HMCN1: variants seen among roughly 807,000 people sequenced by gnomAD.
HMCN1 encodes the protein hemicentin-1.
HMCN1 carries 321 observed loss-of-function variants against 625.9 expected under a neutral mutation model. That is an observed-to-expected ratio of 0.51 (90% CI 0.47 to 0.56). HMCN1 has a LOEUF of 0.56. HMCN1 is among the 20% of genes least tolerant of loss of function. The probability of loss-of-function intolerance (pLI) is 0.00; values close to 1 mark genes in which losing one functional copy is unlikely to be tolerated. For synonymous variants in HMCN1, 2,425 were observed against 2,417.6 expected, an observed-to-expected ratio of 1.00 and a Z score of -0.09; for missense variants, 6,588 against 6,887.3, an observed-to-expected ratio of 0.96 and a Z score of 1.54.
chr1:186,165,206 T>G (rs1651803509), intron 98 of HMCN1, 33 bp downstream of exon 98: 1 of 1,572,562 alleles, frequency 6.4e-7, no homozygotes, highest in Admixed American at 1.7e-5. Flanking sequence ...GGTTTTCTTT[T>G]AATGAAAATG....
Position 186,114,975 on chromosome 1 carries a change from G to T in HMCN1, c.11404+29G>T, listed in dbSNP as rs374288061. On this transcript the variant is annotated intron_variant, in intron 74 of 106. Transcript: ENST00000271588. ...AATATCCGTTTATAGACAACATCCGGTCTCTGTGTCAAATGCTCTTTGATT... is the reference window on the plus strand; with the variant it reads ...AATATCCGTTTATAGACAACATCCGTTCTCTGTGTCAAATGCTCTTTGATT... 8.7e-6 allele frequency: 14 copies of T among 1,614,056 alleles called. No homozygotes were observed. In the South Asian group the frequency reaches 1.5e-4, roughly 18 times the overall value.
intron 1 of HMCN1, among the ~76,000 whole-genome samples, chr1:185,786,616 G>A (rs962448438): frequency 6.6e-6 from 1 of 152,230 alleles, no homozygotes; most frequent in Admixed American, 6.5e-5. Flanking sequence ...TTTACTAGCT[G>A]CAAATGCCCT....
chr1:185,812,095 T>C (rs998690819), intron 1 of HMCN1, among the ~76,000 whole-genome samples: 3 of 152,202 alleles, frequency 2.0e-5, no homozygotes, highest in Admixed American at 2.0e-4. Flanking sequence ...CATATAGTTT[T>C]TGAAGATGGC....
chr1:186,104,266 A>G (rs1370884109), intron 69 of HMCN1, among the ~76,000 whole-genome samples: 1 of 152,154 alleles, frequency 6.6e-6, no homozygotes, highest in South Asian at 2.1e-4. Flanking sequence ...GCCATCATTT[A>G]TAAACTGGGG....
chr1:186,138,054 C>T lies in HMCN1; in HGVS notation c.13924+82C>T, dbSNP rs1381941537. 3.4e-6 allele frequency: 5 copies of T among 1,455,982 alleles called. No homozygotes were observed. In the Admixed American group the frequency reaches 5.6e-5, roughly 16 times the overall value. 90.2% of individuals were successfully genotyped at this position (1,455,982 alleles called of 1,614,324 possible). A position where few individuals can be genotyped will look rare whatever the true frequency, so the allele number is the denominator to read the frequency against. On this transcript the variant is annotated intron_variant, in intron 89 of 106. Coordinates refer to ENST00000271588, the MANE Select transcript of HMCN1 (RefSeq NM_031935.3). ...GAAAGAATTACATTTGCCTTTTCTT[C>T]TTCATTGTAAAAAGATGTTATGGCC...
At chr1:186,033,464 G>A (rs1404617615) in intron 36 of HMCN1, among the ~76,000 whole-genome samples, 11 of 152,086 alleles carry the variant, frequency 7.2e-5, no homozygotes, top group Admixed American at 7.2e-4. Context: ...AAATTGTATA[G>A]TAGTTGTATA....
In HMCN1 at chr1:186,055,547, A is replaced by G. The variant is rs758248236; in HGVS notation, c.7017A>G (p.Val2339=). ...DGHPLIKAKG[V]EILDEGHILQ... ...ACCCCTTGATCAAGGCAAAGGGAGT[A>G]GAAATACTGGATGAAGGTCACATCC... The change falls in exon 45 of 107, where the codon GTA becomes GTG. Residue 2339 remains valine (V), a synonymous_variant. Coordinates refer to ENST00000271588, the MANE Select transcript of HMCN1 (RefSeq NM_031935.3). 3.7e-5 allele frequency: 59 copies of G among 1,612,812 alleles called. No homozygotes were observed. In the Middle Eastern group the frequency reaches 8.2e-4, roughly 22 times the overall value.
At chr1:186,014,667 TC>T (rs1345321702) in intron 30 of HMCN1, among the ~76,000 whole-genome samples, 1 of 149,602 alleles carries the variant, frequency 6.7e-6, no homozygotes, top group Non-Finnish European at 1.5e-5. Context: ...AGTCCCCACC[TC>T]CCCCCCAAAA....
chr1:186,125,491 G>T (rs1661598565), intron 81 of HMCN1, 113 bp from the exon 82 acceptor site: 1 of 778,256 alleles, frequency 1.3e-6, no homozygotes, highest in East Asian at 2.6e-5. Context: ...TTCATTTTTA[G>T]TATTTCTAGC....
At chr1:185,943,269 G>A (rs917190342) in intron 11 of HMCN1, among the ~76,000 whole-genome samples, 5 of 152,130 alleles carry the variant, frequency 3.3e-5, no homozygotes, top group African/African-American at 9.7e-5. Context: ...AAGTATAGGC[G>A]ACAAACTATG....
intron 13 of HMCN1, 94 bp downstream of exon 13, chr1:185,963,989 G>T: frequency 1.0e-6 from 1 of 996,196 alleles, no homozygotes. Context: ...TATTAGTAAT[G>T]CATACATGGT....
chr1:186,182,059 C>T (rs1321240104), intron 104 of HMCN1, 109 bp from the exon 105 acceptor site: 1 of 1,230,674 alleles, frequency 8.1e-7, no homozygotes, highest in Non-Finnish European at 1.2e-6. Context: ...AGTATAAAAT[C>T]ACCAAGAAGT....
At chr1:186,149,985 C>G (rs912315663) in intron 93 of HMCN1, among the ~76,000 whole-genome samples, 2 of 152,012 alleles carry the variant, frequency 1.3e-5, no homozygotes, top group Non-Finnish European at 2.9e-5. Context: ...TCACAGAACA[C>G]CCTAAGAGAG....
chr1:185,882,544 T>C (rs1571496366), intron 4 of HMCN1, among the ~76,000 whole-genome samples: 1 of 152,174 alleles, frequency 6.6e-6, no homozygotes, highest in Middle Eastern at 3.4e-3. Flanking sequence ...AACATTGATA[T>C]GGGTAGTTGC....
At chr1:185,968,625 C>A (rs933880434) in intron 14 of HMCN1, among the ~76,000 whole-genome samples, 4 of 151,804 alleles carry the variant, frequency 2.6e-5, no homozygotes, top group Non-Finnish European at 5.9e-5. Context: ...AGATCTTATG[C>A]CAGAGATAAT....
Position 186,153,743 on chromosome 1 carries a change from T to C in HMCN1, c.15019-7T>C. ...ATTGATCTTCAAATCCACATTGTTCTCCTTAGGATTACACAGAGGACTACA... is the reference window on the plus strand; with the variant it reads ...ATTGATCTTCAAATCCACATTGTTCCCCTTAGGATTACACAGAGGACTACA... On this transcript the variant is annotated splice_polypyrimidine_tract_variant and splice_region_variant and intron_variant, in intron 96 of 106. Coordinates refer to ENST00000271588, the MANE Select transcript of HMCN1 (RefSeq NM_031935.3). 1 of 1,611,092 alleles carries C rather than the reference T, an allele frequency of 6.2e-7. No homozygotes were observed. Among genetic ancestry groups the C allele is most frequent in the Non-Finnish European group, 8.5e-7 (1 of 1,177,324 alleles).
chr1:186,121,684 T>C (rs569040106), intron 80 of HMCN1, among the ~76,000 whole-genome samples: 1 of 151,894 alleles, frequency 6.6e-6, no homozygotes, highest in South Asian at 2.1e-4. Flanking sequence ...AAGTAGAGAG[T>C]TGAATATATA....
intron 4 of HMCN1, among the ~76,000 whole-genome samples, chr1:185,908,279 AT>A (rs1458582944): frequency 1.3e-5 from 2 of 152,004 alleles, no homozygotes; most frequent in Admixed American, 6.6e-5. Flanking sequence ...GTTGCACAGT[AT>A]TTATTGCTTG....
At chr1:185,865,987 A>T in intron 4 of HMCN1, 124 bp downstream of exon 4, 1 of 864,968 alleles carries the variant, frequency 1.2e-6, no homozygotes, top group Non-Finnish European at 1.9e-6. Context: ...CTCCAAGGCC[A>T]CAGTTCAATA....
Sources: gnomAD v4.1 joint callset for allele counts (sites outside exome capture counted in the v4.1 genomes callset) on GRCh38, gnomAD v4.1.1 for gene constraint, MANE v1.5 for transcripts, NCBI Gene and HGNC (gene_info 2026-07-23, HGNC 2026-07-21) for gene names.